The following SOX13 variants were observed in gnomAD, a reference collection of about 807,000 sequenced individuals.
The protein encoded by SOX13 is transcription factor SOX-13.
SOX13 carries 28 observed loss-of-function variants against 71.8 expected under a neutral mutation model. That is an observed-to-expected ratio of 0.39 (90% CI 0.29 to 0.53). The LOEUF is 0.53. SOX13 is among the 20% of genes least tolerant of loss of function. The pLI is 0.70. For missense variants in SOX13, 627 were observed against 810.3 expected (o/e 0.77, Z 2.75); for synonymous variants, 309 against 317.8 (o/e 0.97, Z 0.29).
chr1:204,113,178 T>C (rs373803877), intron 2 of SOX13, 44 bp downstream of exon 2: 43 of 1,401,770 alleles, frequency 3.1e-5, no homozygotes, highest in Non-Finnish European at 3.6e-5. Flanking sequence ...CCATGCGCTG[T>C]ACCTGGGCTC....
intron 1 of SOX13, among the ~76,000 whole-genome samples, chr1:204,094,005 T>C (rs992912662): frequency 6.6e-6 from 1 of 152,144 alleles, no homozygotes; most frequent in Non-Finnish European, 1.5e-5. Flanking sequence ...ATTCACTCCA[T>C]GTGCAAATGG....
At chr1:204,122,730 G>A in intron 9 of SOX13, 124 bp from the exon 10 acceptor site, 1 of 649,326 alleles carries the variant, frequency 1.5e-6, no homozygotes, top group Non-Finnish European at 2.7e-6. Context: ...GAACAGGAGG[G>A]AACACTAACT....
intron 1 of SOX13, among the ~76,000 whole-genome samples, chr1:204,100,454 G>T (rs891150489): frequency 7.9e-5 from 12 of 152,210 alleles, no homozygotes; most frequent in African/African-American, 2.7e-4. Context: ...GTGCTGGGCA[G>T]ATTGGGGTGA....
chr1:204,114,597 A>G lies in SOX13; in HGVS notation c.410A>G (p.Asp137Gly). 3.1e-6 allele frequency: 5 copies of G among 1,612,210 alleles called. No individual in the cohort carries two copies. The highest frequency in any genetic ancestry group is 4.2e-6 in the Non-Finnish European group (5 of 1,178,310). ...FLGRNSMEAK[D>G]VKGTQESLAE... is the part of the protein sequence containing the mutation. ...GGAAGGAACTCTATGGAAGCCAAAG[A>G]TGTCAAAGGTGAAGGCCTGTTGGGG... The change falls in exon 4 of 14, where the codon GAT (aspartate) becomes GGT (glycine). Residue 137 changes from aspartate (D) to glycine (G), a missense_variant. Physicochemically the swap from Asp to Gly is moderately conservative, Grantham distance 94. This residue lies in a region of SOX13 where 447 missense variants were observed against 532.2 expected (regional missense o/e 0.84). Transcript: ENST00000367204.
At chr1:204,116,794 G>A (rs1303542260) in intron 5 of SOX13, 115 bp downstream of exon 5, 1 of 1,518,436 alleles carries the variant, frequency 6.6e-7, no homozygotes, top group Non-Finnish European at 8.8e-7. Flanking sequence ...CTGGGGGCAG[G>A]CTGGGCAGGG....
intron 4 of SOX13, chr1:204,116,197 C>T (rs1043632911): frequency 1.3e-5 from 17 of 1,332,174 alleles, no homozygotes; most frequent in Middle Eastern, 5.7e-4. Flanking sequence ...CCCTGTGTGG[C>T]GCTGAGCACT....
intron 7 of SOX13, among the ~76,000 whole-genome samples, chr1:204,120,999 A>G (rs953799241): frequency 8.0e-6 from 1 of 124,246 alleles, no homozygotes; most frequent in African/African-American, 3.1e-5. Flanking sequence ...TTTTTTTTTG[A>G]AACAGAGTCT....
chr1:204,080,568 A>G (rs1007155072), intron 1 of SOX13, among the ~76,000 whole-genome samples: 1 of 151,052 alleles, frequency 6.6e-6, no homozygotes, highest in African/African-American at 2.4e-5. Flanking sequence ...CCCCTGCTTG[A>G]CTCAGAATGG....
chr1:204,124,867 C>A lies in SOX13; in HGVS notation c.1592+10C>A, dbSNP rs767794705. The A allele has an allele frequency of 1.9e-6, 3 of 1,540,994 alleles. No homozygotes were observed. Among genetic ancestry groups the A allele is most frequent in the Non-Finnish European group, 2.6e-6 (3 of 1,136,632 alleles). ...AGAGCTACGTGATCCCGTGAGCAGGCCCCCCCGCAGGCAGCCAGGAGACTG... is the reference window on the plus strand; with the variant it reads ...AGAGCTACGTGATCCCGTGAGCAGGACCCCCCGCAGGCAGCCAGGAGACTG... On this transcript the variant is annotated intron_variant, in intron 13 of 13. Transcript: ENST00000367204.
At position 204,126,572 on chromosome 1, in the gene SOX13, G is replaced by A; in HGVS notation, c.*438G>A. On this transcript the variant is annotated 3_prime_UTR_variant, in exon 14 of 14. Transcript: ENST00000367204. ...CCCCAGACTGCTCGTCTATCACCAG[G>A]ATCGCTTTGTACTTTGTGCAAAAGG... is the stretch of plus-strand genomic sequence containing the variant. 4.6e-6 allele frequency: 1 copy of A among 216,214 alleles called. No homozygotes were observed. Among genetic ancestry groups the A allele is most frequent in the South Asian group, 9.4e-5 (1 of 10,668 alleles). The allele number at this position is 216,214 out of a possible 1,614,324, so 13.4% of individuals were successfully genotyped here.
At chr1:204,100,341 T>TC (rs1656334832) in intron 1 of SOX13, among the ~76,000 whole-genome samples, 1 of 152,208 alleles carries the variant, frequency 6.6e-6, no homozygotes, top group South Asian at 2.1e-4. Context: ...GTTCCACGTG[T>TC]CAGGATCCCT....
chr1:204,122,894 G>C lies in SOX13; in HGVS notation c.1065G>C (p.Gln355His). ...GGGACGCTGTCACCAAAGCCATCCA[G>C]GATGCTCGGCAGCTGCTGCACAGCC... ...GEGDAVTKAI[Q>H]DARQLLHSHS... Residue 355 changes from glutamine (Q) to histidine (H), a missense_variant, in exon 10 of 14, where the codon CAG (glutamine) becomes CAC (histidine). Transcript: ENST00000367204. 1 of 1,581,076 alleles carries C rather than the reference G, an allele frequency of 6.3e-7. No individual in the cohort carries two copies. Among genetic ancestry groups the C allele is most frequent in the Non-Finnish European group, 8.6e-7 (1 of 1,163,380 alleles).
intron 1 of SOX13, among the ~76,000 whole-genome samples, chr1:204,098,007 T>G (rs1299244951): frequency 6.6e-6 from 1 of 152,052 alleles, no homozygotes; most frequent in Non-Finnish European, 1.5e-5. Context: ...TACAGGTGTG[T>G]GCCACCACAC....
At position 204,122,829 on chromosome 1, in the gene SOX13, C is replaced by T. The variant is rs759020184; in HGVS notation, c.1025-25C>T. On this transcript the variant is annotated intron_variant, in intron 9 of 13. Coordinates refer to ENST00000367204, the MANE Select transcript of SOX13 (RefSeq NM_005686.3). ...GCCCTCAGCTTCTCTCGCTTCTCTT[C>T]CCTCTCTTCTGCCCTCTCCCACAGG... 2.1e-6 allele frequency: 3 copies of T among 1,423,566 alleles called. No homozygotes were observed. In the Admixed American group the frequency reaches 6.4e-5, roughly 30 times the overall value. 88.2% of individuals were successfully genotyped at this position (1,423,566 alleles called of 1,614,324 possible). A position where few individuals can be genotyped will look rare whatever the true frequency, so the allele number is the denominator to read the frequency against.
chr1:204,122,971 C>T lies in SOX13; in HGVS notation c.1134+8C>T. On this transcript the variant is annotated splice_region_variant and intron_variant, in intron 10 of 13. Transcript: ENST00000367204. Reference sequence around the variant, plus strand: ...AACACCCCCTTCCGTAAGGTATGGTCCCCCACTCCCTTGAGCCTAGGGGCA... The same window carrying T: ...AACACCCCCTTCCGTAAGGTATGGTTCCCCACTCCCTTGAGCCTAGGGGCA... 6.4e-7 allele frequency: 1 copy of T among 1,560,304 alleles called. No homozygotes were observed. The highest frequency in any genetic ancestry group is 1.1e-5 in the South Asian group (1 of 86,968).
intron 1 of SOX13, among the ~76,000 whole-genome samples, chr1:204,079,959 G>A (rs1296853091): frequency 6.6e-6 from 1 of 152,192 alleles, no homozygotes; most frequent in African/African-American, 2.4e-5. Flanking sequence ...GTATCTCAGA[G>A]TCCTGGGTGT....
At chr1:204,117,289 G>C (rs534676393) in intron 6 of SOX13, 99 bp downstream of exon 6, 2 of 1,059,448 alleles carry the variant, frequency 1.9e-6, no homozygotes, top group Non-Finnish European at 2.9e-6. Flanking sequence ...CCAAGTTAAA[G>C]AGCCAGAGCA....
chr1:204,115,316 T>G (rs1656665638), intron 4 of SOX13, among the ~76,000 whole-genome samples: 1 of 151,804 alleles, frequency 6.6e-6, no homozygotes, highest in African/African-American at 2.4e-5. Context: ...CCAGCCAGAA[T>G]GATCATTTTT....
chr1:204,099,324 G>A (rs1656313546), intron 1 of SOX13, among the ~76,000 whole-genome samples: 1 of 151,772 alleles, frequency 6.6e-6, no homozygotes, highest in Non-Finnish European at 1.5e-5. Context: ...ATTATGCTTA[G>A]CATGTAAGTA....
Sources: gnomAD v4.1 joint callset for allele counts (sites outside exome capture counted in the v4.1 genomes callset) on GRCh38, gnomAD v4.1.1 for gene constraint, gnomAD v4.1.1 regional missense constraint, MANE v1.5 for transcripts, NCBI Gene and HGNC (gene_info 2026-07-23, HGNC 2026-07-21) for gene names.